The following PDCD1LG2 variants were observed in gnomAD, a reference collection of about 807,000 sequenced individuals.
PDCD1LG2 encodes the protein programmed cell death 1 ligand 2.
A neutral mutation model predicts 28.2 loss-of-function variants in PDCD1LG2; 32 were observed. That is an observed-to-expected ratio of 1.13 (90% CI 0.86 to 1.52). The LOEUF is 1.52. Among genes scored for constraint, PDCD1LG2 ranks in the 40% most tolerant of loss-of-function variants. The pLI, the probability that PDCD1LG2 is intolerant of heterozygous loss-of-function variation, is 0.00. For missense variants in PDCD1LG2, 385 were observed against 323.8 expected, an observed-to-expected ratio of 1.19 and a Z score of -1.45; for synonymous variants, 116 against 120.2, an observed-to-expected ratio of 0.97 and a Z score of 0.23.
chr9:5,550,273 A>T (rs1179886864), intron 4 of PDCD1LG2, among the ~76,000 whole-genome samples: 1 of 152,232 alleles, frequency 6.6e-6, no homozygotes, highest in Non-Finnish European at 1.5e-5. Flanking sequence ...AAGGGATCCC[A>T]TACTTTTGAA....
At chr9:5,553,247 A>G (rs1427251840) in intron 4 of PDCD1LG2, among the ~76,000 whole-genome samples, 1 of 152,140 alleles carries the variant, frequency 6.6e-6, no homozygotes, top group Non-Finnish European at 1.5e-5. Context: ...AACATTCTCT[A>G]CCTCTCTTTA....
At chr9:5,561,147 A>G (rs1171221547) in intron 5 of PDCD1LG2, among the ~76,000 whole-genome samples, 1 of 152,212 alleles carries the variant, frequency 6.6e-6, no homozygotes, top group Non-Finnish European at 1.5e-5. Context: ...TCTGTCCAAT[A>G]TAATAGCCAT....
chr9:5,557,998 T>A (rs918409934), intron 5 of PDCD1LG2, among the ~76,000 whole-genome samples: 5 of 152,234 alleles, frequency 3.3e-5, no homozygotes, highest in Admixed American at 6.5e-5. Context: ...AAAGAGTTTG[T>A]CTTATTCTTT....
At chr9:5,513,638 G>C (rs1820102980) in intron 1 of PDCD1LG2, among the ~76,000 whole-genome samples, 1 of 152,186 alleles carries the variant, frequency 6.6e-6, no homozygotes, top group Non-Finnish European at 1.5e-5. Flanking sequence ...GAACTTAAAT[G>C]CTCTATTAAA....
At chr9:5,562,205 C>T (rs1816578810) in intron 5 of PDCD1LG2, among the ~76,000 whole-genome samples, 2 of 152,118 alleles carry the variant, frequency 1.3e-5, no homozygotes, top group Admixed American at 6.6e-5. Context: ...AAGTGAAAAC[C>T]TATTCATGAT....
chr9:5,562,871 G>T (rs1046276766), intron 5 of PDCD1LG2, among the ~76,000 whole-genome samples: 15 of 152,228 alleles, frequency 9.9e-5, no homozygotes, highest in African/African-American at 3.6e-4. Flanking sequence ...TAATTCTGCA[G>T]CCAGACATTT....
intron 3 of PDCD1LG2, among the ~76,000 whole-genome samples, chr9:5,546,813 G>A (rs1816218211): frequency 6.6e-6 from 1 of 152,132 alleles, no homozygotes; most frequent in Admixed American, 6.5e-5. Flanking sequence ...TTATACATTA[G>A]GGGGAAAGAT....
chr9:5,528,974 C>A (rs1176441220), intron 2 of PDCD1LG2, among the ~76,000 whole-genome samples: 1 of 152,108 alleles, frequency 6.6e-6, no homozygotes, highest in Non-Finnish European at 1.5e-5. Flanking sequence ...AGTGGCCCAC[C>A]CACCTTGGCC....
intron 2 of PDCD1LG2, among the ~76,000 whole-genome samples, chr9:5,533,781 T>C (rs963407679): frequency 1.3e-5 from 2 of 152,016 alleles, no homozygotes; most frequent in Non-Finnish European, 2.9e-5. Context: ...ATTTTAACTT[T>C]ACTAACATAT....
intron 2 of PDCD1LG2, among the ~76,000 whole-genome samples, chr9:5,526,841 A>G (rs547996796): frequency 6.6e-6 from 1 of 152,346 alleles, no homozygotes; most frequent in Admixed American, 6.5e-5. Flanking sequence ...ATCAGCAAAT[A>G]TAGACATCCT....
In PDCD1LG2 at chr9:5,563,166, A is replaced by T. The variant is rs769147424; in HGVS notation, c.771A>T (p.Thr257=). The T allele has an allele frequency of 1.2e-6, 2 of 1,611,202 alleles. No individual in the cohort carries two copies. The highest frequency in any genetic ancestry group is 2.7e-5 in the African/African-American group (2 of 74,862). The part of the protein sequence containing the change: ...LCQKLYSSKD[T]TKRPVTTTKR... ...TCTGGAATTTTTCCTTTTCAGACAC[A>T]ACAAAAAGACCTGTCACCACAACAA... The change falls in exon 6 of 7, where the codon ACA becomes ACT. Residue 257 remains threonine, a synonymous_variant. Transcript: ENST00000397747.
intron 4 of PDCD1LG2, among the ~76,000 whole-genome samples, chr9:5,555,572 G>C (rs6476989): frequency 6.6e-6 from 1 of 152,026 alleles, no homozygotes; most frequent in East Asian, 1.9e-4. Flanking sequence ...AGTATCTTTC[G>C]TTCCATGTAA....
intron 2 of PDCD1LG2, among the ~76,000 whole-genome samples, chr9:5,522,921 TTAAAGG>T: frequency 6.6e-6 from 1 of 152,260 alleles, no homozygotes; most frequent in East Asian, 1.9e-4. Context: ...TTGAGTTCCC[TTAAAGG>T]TGAGATGCCA....
At chr9:5,517,405 A>G (rs906887118) in intron 1 of PDCD1LG2, among the ~76,000 whole-genome samples, 1 of 152,292 alleles carries the variant, frequency 6.6e-6, no homozygotes, top group Admixed American at 6.5e-5. Context: ...GGCGGTTGGT[A>G]GGTCAAAAGC....
chr9:5,545,692 A>C (rs1008786922), intron 3 of PDCD1LG2, among the ~76,000 whole-genome samples: 1 of 152,214 alleles, frequency 6.6e-6, no homozygotes, highest in African/African-American at 2.4e-5. Context: ...TGAGATTTCA[A>C]CTCATCTCTA....
intron 3 of PDCD1LG2, among the ~76,000 whole-genome samples, chr9:5,537,401 T>G (rs1480830606): frequency 6.6e-6 from 1 of 152,250 alleles, no homozygotes; most frequent in African/African-American, 2.4e-5. Flanking sequence ...CAATAAATTT[T>G]CATCTTTCAT....
At chr9:5,567,417 T>C (rs774742485) in intron 6 of PDCD1LG2, among the ~76,000 whole-genome samples, 41 of 152,262 alleles carry the variant, frequency 2.7e-4, no homozygotes, top group Non-Finnish European at 5.3e-4. Flanking sequence ...TAACTTTATC[T>C]GTGCTACTAT....
At chr9:5,546,885 G>T (rs1215064353) in intron 3 of PDCD1LG2, among the ~76,000 whole-genome samples, 4 of 152,172 alleles carry the variant, frequency 2.6e-5, no homozygotes, top group African/African-American at 9.7e-5. Context: ...ATGGAGACGA[G>T]AACTTCAAGG....
At chr9:5,536,870 G>C (rs1482486591) in intron 3 of PDCD1LG2, among the ~76,000 whole-genome samples, 1 of 152,218 alleles carries the variant, frequency 6.6e-6, no homozygotes, top group Non-Finnish European at 1.5e-5. Flanking sequence ...TGACGAGCCT[G>C]ACAATGTGCA....
Sources: gnomAD v4.1 joint callset for allele counts (sites outside exome capture counted in the v4.1 genomes callset) on GRCh38, gnomAD v4.1.1 for gene constraint, MANE v1.5 for transcripts, NCBI Gene and HGNC (gene_info 2026-07-23, HGNC 2026-07-21) for gene names.